The following TNS4 variants were observed in gnomAD, a reference collection of about 807,000 sequenced individuals.
The protein encoded by TNS4 is tensin-4.
Under a neutral mutation model 70.4 loss-of-function variants are expected in TNS4, and 46 were observed. The ratio of observed to expected loss-of-function variants is 0.65; its 90% CI spans 0.52 to 0.84. TNS4 has a LOEUF of 0.84. TNS4 is among the 40% of genes least tolerant of loss of function. The pLI is 0.00. For missense variants in TNS4, 863 were observed against 907.0 expected (o/e 0.95, Z 0.62); for synonymous variants, 390 against 366.6 (o/e 1.06, Z -0.73).
intron 2 of TNS4, among the ~76,000 whole-genome samples, chr17:40,494,370 C>T (rs1041085159): frequency 2.6e-5 from 4 of 152,274 alleles, no homozygotes; most frequent in African/African-American, 9.6e-5. Flanking sequence ...CTGCCTGACG[C>T]CAGCCATTAG....
intron 1 of TNS4, among the ~76,000 whole-genome samples, chr17:40,499,636 G>C (rs752517877): frequency 9.2e-5 from 14 of 152,252 alleles, no homozygotes; most frequent in Non-Finnish European, 2.1e-4. Flanking sequence ...AGGTCCTGCA[G>C]GGGGCGGGGC....
At chr17:40,500,594 G>A (rs2036199923) in intron 1 of TNS4, among the ~76,000 whole-genome samples, 1 of 152,138 alleles carries the variant, frequency 6.6e-6, no homozygotes, top group Admixed American at 6.5e-5. Flanking sequence ...GGACTCTGGG[G>A]AGTCCTGGTG....
chr17:40,493,524 C>T (rs376267548), intron 2 of TNS4, among the ~76,000 whole-genome samples: 139 of 152,284 alleles, frequency 9.1e-4, no homozygotes, highest in African/African-American at 3.1e-3. Flanking sequence ...GGGAGCTGAC[C>T]TGGCTGGGTT....
chr17:40,490,755 G>C (rs2036058177), intron 2 of TNS4, among the ~76,000 whole-genome samples: 1 of 152,216 alleles, frequency 6.6e-6, no homozygotes, highest in Non-Finnish European at 1.5e-5. Flanking sequence ...CCTGGGGTGA[G>C]TCCTGGCTTT....
intron 12 of TNS4, 96 bp from the exon 13 acceptor site, chr17:40,477,825 T>G: frequency 3.3e-6 from 4 of 1,197,024 alleles, no homozygotes; most frequent in Non-Finnish European, 4.8e-6. Flanking sequence ...CTGCATCTCA[T>G]TCCTCCCTGC....
intron 2 of TNS4, among the ~76,000 whole-genome samples, chr17:40,494,686 C>T (rs1474302261): frequency 2.8e-5 from 4 of 143,968 alleles, no homozygotes; most frequent in Admixed American, 2.2e-4. Context: ...GAGCCGAGAT[C>T]GTGCTGTTGC....
At chr17:40,489,797 A>AAAAAAAAG (rs1491531307) in intron 2 of TNS4, among the ~76,000 whole-genome samples, 2 of 53,054 alleles carry the variant, frequency 3.8e-5, no homozygotes, top group Non-Finnish European at 7.3e-5. Flanking sequence ...CCCCATCTCC[A>AAAAAAAAG]AAAAAAAAAA....
At chr17:40,486,889 T>TC in intron 4 of TNS4, 147 bp downstream of exon 4, 1 of 1,050,866 alleles carries the variant, frequency 9.5e-7, no homozygotes, top group East Asian at 2.4e-5. Context: ...CTAAACTGTT[T>TC]CCCTCTGTGT....
At chr17:40,484,280 G>T (rs1234907027) in intron 6 of TNS4, among the ~76,000 whole-genome samples, 1 of 152,154 alleles carries the variant, frequency 6.6e-6, no homozygotes, top group South Asian at 2.1e-4. Flanking sequence ...GCAGAAGCAC[G>T]CAGGCTTGCT....
intron 2 of TNS4, among the ~76,000 whole-genome samples, chr17:40,493,615 AG>A (rs2036103788): frequency 6.6e-6 from 1 of 152,152 alleles, no homozygotes; most frequent in African/African-American, 2.4e-5. Flanking sequence ...CTCCATCAGA[AG>A]GGGCCAGGGC....
chr17:40,495,939 A>G (rs752565573), intron 2 of TNS4, 48 bp downstream of exon 2: 64 of 1,542,188 alleles, frequency 4.1e-5, no homozygotes, highest in Admixed American at 1.2e-4. Flanking sequence ...CTTCCTCATG[A>G]GGTCTGGCAC....
intron 6 of TNS4, 146 bp from the exon 7 acceptor site, chr17:40,482,562 G>C: frequency 1.7e-6 from 1 of 597,412 alleles, no homozygotes; most frequent in African/African-American, 1.9e-5. Flanking sequence ...TGACCCACAT[G>C]GTAAAACCCT....
intron 1 of TNS4, among the ~76,000 whole-genome samples, chr17:40,498,652 G>A (rs1175070413): frequency 6.6e-6 from 1 of 152,046 alleles, no homozygotes; most frequent in East Asian, 1.9e-4. Context: ...GACCTCCTGG[G>A]GCTCAAGCGA....
Position 40,482,171 on chromosome 17 carries a change from T to A in TNS4, c.1630A>T (p.Met544Leu). 6.2e-7 allele frequency: 1 copy of A among 1,614,168 alleles called. No homozygotes were observed. Among genetic ancestry groups the A allele is most frequent in the African/African-American group, 1.3e-5 (1 of 75,050 alleles). Reference sequence around the variant, plus strand: ...AGTTTGCAGGGCAGGGCCAGGGCCATGATGGAATGCTGGCACACGAAGGCA... The same window carrying A: ...AGTTTGCAGGGCAGGGCCAGGGCCAAGATGGAATGCTGGCACACGAAGGCA... ...LSAFVCQHSIMALALPCKLTI... is the reference protein window; with the variant it reads ...LSAFVCQHSILALALPCKLTI... Residue 544 changes from methionine (M) to leucine (L), a missense_variant, in exon 8 of 13, where the codon ATG becomes TTG. Physicochemically the swap from Met to Leu is conservative, Grantham distance 15 (BLOSUM62 2). Coordinates refer to ENST00000254051, the MANE Select transcript of TNS4 (RefSeq NM_032865.6).
chr17:40,485,019 CAG>C lies in TNS4; in HGVS notation c.1289-14_1289-13del. The C allele has an allele frequency of 6.2e-7, 1 of 1,613,516 alleles. No individual in the cohort carries two copies. The highest frequency in any genetic ancestry group is 8.5e-7 in the Non-Finnish European group (1 of 1,179,476). On this transcript the variant is annotated splice_polypyrimidine_tract_variant and intron_variant, in intron 4 of 12. Transcript: ENST00000254051. ...GTCCCTGGCGGGACCTGGAGACAGACAGAGAAGGGGGACCCTGTAGGCTGGAC... is the reference window on the plus strand; with the variant it reads ...GTCCCTGGCGGGACCTGGAGACAGACAGAAGGGGGACCCTGTAGGCTGGAC...
chr17:40,482,471 C>T (rs533670622), intron 6 of TNS4, 55 bp from the exon 7 acceptor site: 308 of 1,561,038 alleles, frequency 2.0e-4, no homozygotes, highest in East Asian at 1.7e-3. Flanking sequence ...TGGCCGGGCG[C>T]GGTGGCTCAC....
At position 40,496,322 on chromosome 17, in the gene TNS4, C is replaced by T. The variant is rs779640396; in HGVS notation, c.104G>A (p.Ser35Asn). The T allele has an allele frequency of 2.5e-6, 4 of 1,613,484 alleles. No homozygotes were observed. In the African/African-American group the frequency reaches 5.3e-5, roughly 22 times the overall value. Residue 35 changes from serine (S) to asparagine (N), a missense_variant, in exon 2 of 13, where the codon AGC becomes AAC. Coordinates refer to ENST00000254051, the MANE Select transcript of TNS4 (RefSeq NM_032865.6). ...GTAGTAAGAACACTGGGGTGGCAGG[C>T]TGGGGCTGGGTGCTGGGTGCAGGGT... is the stretch of plus-strand genomic sequence containing the variant. ...RRTLHPAPSP[S>N]LPPQCSYYTT...
At position 40,484,581 on chromosome 17, in the gene TNS4, T is replaced by C. The variant is rs775259374; in HGVS notation, c.1404A>G (p.Pro468=). 1.2e-6 allele frequency: 2 copies of C among 1,612,816 alleles called. No homozygotes were observed. Among genetic ancestry groups the C allele is most frequent in the African/African-American group, 1.3e-5 (1 of 75,046 alleles). The change falls in exon 6 of 13, where the codon CCA becomes CCG. Residue 468 remains proline, a synonymous_variant. Transcript: ENST00000254051. ...QAIELLRKEE[P]GAFVIRDSSS... ...AGCTGTCCCTTATGACAAAAGCCCC[T>C]GGCTCCTCCTTCCTCAGCAGCTCGA...
chr17:40,499,046 C>T (rs1335272266), intron 1 of TNS4, among the ~76,000 whole-genome samples: 1 of 151,936 alleles, frequency 6.6e-6, no homozygotes, highest in African/African-American at 2.4e-5. Flanking sequence ...TTTCTGCCTC[C>T]AAAGAAAGAA....
Sources: allele counts gnomAD v4.1 joint callset (sites outside exome capture counted in the v4.1 genomes callset), GRCh38; gene constraint gnomAD v4.1.1; transcripts MANE v1.5; gene names NCBI Gene and HGNC (gene_info 2026-07-23, HGNC 2026-07-21).